SLC5A1: variants seen among roughly 807,000 people sequenced by gnomAD.
SLC5A1 encodes solute carrier family 5 member 1, also known as sodium/glucose cotransporter 1.
A neutral mutation model predicts 73.5 loss-of-function variants in SLC5A1; 42 were observed. The ratio of observed to expected loss-of-function variants is 0.57; its 90% CI spans 0.45 to 0.74. SLC5A1 has a LOEUF of 0.74. Ranked by LOEUF, SLC5A1 falls within the 30% of genes least tolerant of loss-of-function variation. The pLI is 0.00. For synonymous variants in SLC5A1, 300 were observed against 317.4 expected (o/e 0.95, Z 0.58); for missense variants, 634 against 855.4 (o/e 0.74, Z 3.23).
intron 14 of SLC5A1, among the ~76,000 whole-genome samples, chr22:32,108,996 T>C (rs140390583): frequency 5.3e-5 from 8 of 152,060 alleles, no homozygotes; most frequent in African/African-American, 1.9e-4. Context: ...GGCAACATAC[T>C]CAGATACTCT....
chr22:32,100,369 G>A (rs1831861217), intron 12 of SLC5A1, among the ~76,000 whole-genome samples: 1 of 152,180 alleles, frequency 6.6e-6, no homozygotes, highest in Admixed American at 6.5e-5. Context: ...CCAGTACTAT[G>A]TTGAATAAAA....
chr22:32,082,985 A>AG lies in SLC5A1; in HGVS notation c.584-88dup, dbSNP rs131880. On this transcript the variant is annotated intron_variant, in intron 6 of 14. Transcript: ENST00000266088. ...GTGGGGATGTTCTCAGAAGGCCAGC[A>AG]GAAGTAGAGGGTGGAGAGTGGGGAA... 1,075,107 of 1,151,200 alleles carry AG rather than the reference A, an allele frequency of 0.93. 503,070 individuals are homozygous for AG. The highest frequency in any genetic ancestry group is 1 in the East Asian group (42,396 of 42,396). 71.3% of individuals were successfully genotyped at this position (1,151,200 alleles called of 1,614,324 possible). A position where few individuals can be genotyped will look rare whatever the true frequency, so the allele number is the denominator to read the frequency against.
intron 6 of SLC5A1, 26 bp from the exon 7 acceptor site, chr22:32,083,048 G>T (rs914351672): frequency 6.2e-7 from 1 of 1,609,382 alleles, no homozygotes; most frequent in Non-Finnish European, 8.5e-7. Context: ...CACGAGGTCA[G>T]ATGTGTTGTC....
intron 1 of SLC5A1, among the ~76,000 whole-genome samples, chr22:32,048,120 C>T (rs543922614): frequency 6.7e-6 from 1 of 150,056 alleles, no homozygotes; most frequent in South Asian, 2.1e-4. Flanking sequence ...CTACTGCACT[C>T]CAGCCTGGGC....
intron 5 of SLC5A1, among the ~76,000 whole-genome samples, chr22:32,070,382 G>A (rs908548425): frequency 1.7e-4 from 26 of 150,640 alleles, no homozygotes; most frequent in African/African-American, 5.6e-4. Context: ...CTGCCAGACT[G>A]GAGTGCATGG....
intron 10 of SLC5A1, among the ~76,000 whole-genome samples, chr22:32,089,937 T>C (rs1178310455): frequency 6.6e-6 from 1 of 152,124 alleles, no homozygotes; most frequent in African/African-American, 2.4e-5. Flanking sequence ...CTTGCCATAA[T>C]TGAGAAAACT....
At chr22:32,048,861 A>C (rs892643615) in intron 1 of SLC5A1, among the ~76,000 whole-genome samples, 2 of 152,138 alleles carry the variant, frequency 1.3e-5, no homozygotes, top group African/African-American at 4.8e-5. Context: ...ACTTGAGGTC[A>C]GGAGTTTGCG....
intron 11 of SLC5A1, among the ~76,000 whole-genome samples, chr22:32,096,291 C>A (rs139555428): frequency 0.046 from 6,967 of 152,080 alleles, 189 homozygotes; most frequent in Middle Eastern, 0.065. Flanking sequence ...ACCTAATTTA[C>A]CCCTCAGGCT....
intron 13 of SLC5A1, among the ~76,000 whole-genome samples, chr22:32,102,917 G>A (rs1204305016): frequency 6.6e-6 from 1 of 152,046 alleles, no homozygotes; most frequent in Non-Finnish European, 1.5e-5. Context: ...TCTTTTTATG[G>A]TGGAATAATA....
chr22:32,081,358 G>A (rs1029376937), intron 5 of SLC5A1, among the ~76,000 whole-genome samples: 1 of 152,136 alleles, frequency 6.6e-6, no homozygotes, highest in Non-Finnish European at 1.5e-5. Context: ...CATCCGGGTT[G>A]GGGAGTTAAA....
chr22:32,078,825 C>T (rs527253654), intron 5 of SLC5A1, among the ~76,000 whole-genome samples: 29 of 151,812 alleles, frequency 1.9e-4, no homozygotes, highest in Non-Finnish European at 3.2e-4. Context: ...CATGGTGGCA[C>T]GCAACTGTAG....
intron 9 of SLC5A1, among the ~76,000 whole-genome samples, chr22:32,085,566 T>C (rs1022653444): frequency 1.7e-3 from 248 of 146,200 alleles, no homozygotes; most frequent in African/African-American, 5.1e-3. Flanking sequence ...TTTTTTTTTT[T>C]CAAATCTTCT....
chr22:32,088,363 T>TA (rs1263075023), intron 10 of SLC5A1, among the ~76,000 whole-genome samples: 2 of 141,920 alleles, frequency 1.4e-5, no homozygotes, highest in African/African-American at 5.2e-5. Context: ...TGAGATGGAG[T>TA]CTTGCTCTTA....
chr22:32,060,215 G>A (rs562662087), intron 2 of SLC5A1, among the ~76,000 whole-genome samples: 10 of 146,806 alleles, frequency 6.8e-5, no homozygotes, highest in African/African-American at 2.5e-4. Context: ...TTAAGAGATG[G>A]AACTTTGCTC....
At chr22:32,103,382 T>G (rs1603144398) in intron 13 of SLC5A1, among the ~76,000 whole-genome samples, 1 of 152,376 alleles carries the variant, frequency 6.6e-6, no homozygotes, top group African/African-American at 2.4e-5. Flanking sequence ...TATATTCACA[T>G]TCACATGACT....
intron 1 of SLC5A1, among the ~76,000 whole-genome samples, chr22:32,047,086 G>C (rs865959948): frequency 9.2e-5 from 14 of 152,324 alleles, no homozygotes; most frequent in Non-Finnish European, 1.6e-4. Context: ...GGTGTTCACA[G>C]ACTTTCATTT....
chr22:32,046,777 C>A (rs1603099780), intron 1 of SLC5A1, among the ~76,000 whole-genome samples: 3 of 152,318 alleles, frequency 2.0e-5, no homozygotes, highest in East Asian at 1.9e-4. Flanking sequence ...CCCAAGTAAA[C>A]CCCAAACCAA....
Position 32,110,166 on chromosome 22 carries a change from A to G in SLC5A1, c.1948A>G (p.Ile650Val), listed in dbSNP as rs1414533219. The G allele has an allele frequency of 6.2e-7, 1 of 1,614,172 alleles. No individual in the cohort carries two copies. The highest frequency in any genetic ancestry group is 1.1e-5 in the South Asian group (1 of 91,088). Residue 650 changes from isoleucine to valine, a missense_variant, in exon 15 of 15, where the codon ATC (isoleucine) becomes GTC (valine). Ile to Val is a conservative substitution (Grantham distance 29). Transcript: ENST00000266088. ...GAGGACAGTGTTGAACGTCAATGGC[A>G]TCATCCTGGTGACCGTGGCTGTCTT... Reference protein sequence around the residue: ...LWRTVLNVNGIILVTVAVFCH... With the variant: ...LWRTVLNVNGVILVTVAVFCH...
intron 14 of SLC5A1, among the ~76,000 whole-genome samples, chr22:32,106,678 C>T (rs1471227179): frequency 6.6e-6 from 1 of 152,208 alleles, no homozygotes; most frequent in Non-Finnish European, 1.5e-5. Flanking sequence ...TGAAATAACG[C>T]TTAGTCAGTG....
Sources: gnomAD v4.1 joint callset for allele counts (sites outside exome capture counted in the v4.1 genomes callset) on GRCh38, gnomAD v4.1.1 for gene constraint, MANE v1.5 for transcripts, NCBI Gene and HGNC (gene_info 2026-07-23, HGNC 2026-07-21) for gene names.